WDR82: variants seen among roughly 807,000 people sequenced by gnomAD.
WDR82 encodes the protein WD repeat-containing protein 82.
Under a neutral mutation model 36.1 loss-of-function variants are expected in WDR82, and 8 were observed. The observed-to-expected ratio is 0.22, with a 90% confidence interval of 0.13 to 0.40. WDR82 has a LOEUF of 0.40. Ranked by LOEUF, WDR82 falls within the 10% of genes least tolerant of loss-of-function variation. The pLI, the probability that WDR82 is intolerant of heterozygous loss-of-function variation, is 1.00. For synonymous variants in WDR82, 129 were observed against 137.8 expected, an observed-to-expected ratio of 0.94 and a Z score of 0.45; for missense variants, 185 against 400.5, an observed-to-expected ratio of 0.46 and a Z score of 4.59.
rs1275696944 is a variant in WDR82 at position 52,278,371 on chromosome 3, T to G, written c.-10A>C. On this transcript the variant is annotated 5_prime_UTR_variant, in exon 1 of 9. Coordinates refer to ENST00000296490, the MANE Select transcript of WDR82 (RefSeq NM_025222.4). ...TGTCGGTCAGCTTCATGGCGGCGGC[T>G]GGGGAAGGCAGCGGCGGCGCAGGGC... 1 of 1,534,482 alleles carries G rather than the reference T, an allele frequency of 6.5e-7. No individual in the cohort carries two copies. Among genetic ancestry groups the G allele is most frequent in the Non-Finnish European group, 8.8e-7 (1 of 1,142,050 alleles).
At chr3:52,277,006 TAA>T (rs769178240) in intron 1 of WDR82, among the ~76,000 whole-genome samples, 12 of 108,120 alleles carry the variant, frequency 1.1e-4, no homozygotes, top group Non-Finnish European at 1.8e-4. Flanking sequence ...GACACCAGTC[TAA>T]AAAAAAAAAA....
rs989491841 is a variant in WDR82, at chr3:52,257,300, C to G, written c.*190G>C. 4 of 698,200 alleles carry G rather than the reference C, an allele frequency of 5.7e-6. No individual in the cohort carries two copies. The highest frequency in any genetic ancestry group is 5.4e-5 in the African/African-American group (3 of 55,598). 43.3% of individuals were successfully genotyped at this position (698,200 alleles called of 1,614,324 possible). On this transcript the variant is annotated 3_prime_UTR_variant, in exon 9 of 9. Coordinates refer to ENST00000296490, the MANE Select transcript of WDR82 (RefSeq NM_025222.4). ...CAATTGAGTCTGTTGCACCAAGAGT[C>G]CTTTTGAAGACGCTCATCAAAGTAA...
At chr3:52,266,054 T>C (rs1432262607) in intron 3 of WDR82, among the ~76,000 whole-genome samples, 2 of 152,022 alleles carry the variant, frequency 1.3e-5, no homozygotes, top group Non-Finnish European at 2.9e-5. Flanking sequence ...GTTGAAAAAT[T>C]AGAGAAAAAA....
chr3:52,257,585 A>G (rs932473127), intron 8 of WDR82, 66 bp from the exon 9 acceptor site: 71 of 1,605,150 alleles, frequency 4.4e-5, no homozygotes, highest in Non-Finnish European at 5.7e-5. Flanking sequence ...GGTTCTTCAC[A>G]TCCCACCCCA....
At position 52,259,708 on chromosome 3, in the gene WDR82, T is replaced by G. The variant is rs1257654947; in HGVS notation, c.699+9A>C. 6.2e-7 allele frequency: 1 copy of G among 1,608,520 alleles called. No individual in the cohort carries two copies. Among genetic ancestry groups the G allele is most frequent in the Admixed American group, 1.7e-5 (1 of 59,310 alleles). The stretch of plus-strand genomic sequence containing the variant: ...TGGAAACAGCCATGCTTGAAGGCTG[T>G]CAGCTCACCCCAAATGTGTGCATCA... On this transcript the variant is annotated intron_variant, in intron 6 of 8. Transcript: ENST00000296490.
chr3:52,273,471 C>T (rs1006965688), intron 1 of WDR82, among the ~76,000 whole-genome samples: 3 of 145,988 alleles, frequency 2.1e-5, no homozygotes, highest in Admixed American at 6.9e-5. Context: ...CCAACTCTAA[C>T]TTGACAAGTT....
chr3:52,258,736 G>C (rs921693245), intron 7 of WDR82, 58 bp from the exon 8 acceptor site: 10 of 1,608,944 alleles, frequency 6.2e-6, no homozygotes, highest in South Asian at 5.5e-5. Context: ...AAGACAACTG[G>C]AAATGAGACA....
intron 1 of WDR82, among the ~76,000 whole-genome samples, chr3:52,272,346 C>T (rs1275798429): frequency 6.6e-6 from 1 of 151,912 alleles, no homozygotes; most frequent in Admixed American, 6.6e-5. Context: ...GAGTTTGAGA[C>T]CAGCCTGGCC....
chr3:52,261,535 G>T, intron 3 of WDR82, 56 bp from the exon 4 acceptor site: 1 of 1,516,450 alleles, frequency 6.6e-7, no homozygotes, highest in Non-Finnish European at 9.0e-7. Context: ...AAAATTGGAT[G>T]TGAATTCTAA....
At chr3:52,273,740 G>T (rs1700174914) in intron 1 of WDR82, among the ~76,000 whole-genome samples, 1 of 152,144 alleles carries the variant, frequency 6.6e-6, no homozygotes, top group South Asian at 2.1e-4. Flanking sequence ...CCCTGCCTCA[G>T]CCTCCTGAGT....
intron 8 of WDR82, 52 bp downstream of exon 8, chr3:52,258,484 C>A: frequency 6.2e-7 from 1 of 1,610,116 alleles, no homozygotes; most frequent in Non-Finnish European, 8.5e-7. Context: ...GCACCCACCA[C>A]CCCAACTGGG....
In WDR82 at chr3:52,278,335, C is replaced by T. The variant is rs773156028; in HGVS notation, c.27G>A (p.Arg9=). ...GGAACACCTTAGCGACGCGGAAGCT[C>T]CGCAACACGCTGTCGGTCAGCTTCA... The part of the protein sequence containing the change: MKLTDSVL[R]SFRVAKVFRE... Residue 9 remains arginine (R), a synonymous_variant, in exon 1 of 9, where the codon CGG becomes CGA. Transcript: ENST00000296490. 36 of 1,591,066 alleles carry T rather than the reference C, an allele frequency of 2.3e-5. No homozygotes were observed. Among genetic ancestry groups the T allele is most frequent in the South Asian group, 3.4e-5 (3 of 88,618 alleles).
At chr3:52,270,846 C>G (rs1182545699) in intron 1 of WDR82, 37 bp from the exon 2 acceptor site, 3 of 1,479,620 alleles carry the variant, frequency 2.0e-6, no homozygotes, top group Non-Finnish European at 2.8e-6. Flanking sequence ...CATGAACATT[C>G]TCCATCATCA....
At chr3:52,259,386 G>A in intron 6 of WDR82, 120 bp from the exon 7 acceptor site, 2 of 1,000,738 alleles carry the variant, frequency 2.0e-6, no homozygotes, top group African/African-American at 1.6e-5. Context: ...TCCTTGTCAT[G>A]TACTACACCA....
chr3:52,277,951 G>A (rs1336129737), intron 1 of WDR82, among the ~76,000 whole-genome samples: 1 of 152,220 alleles, frequency 6.6e-6, no homozygotes, highest in Non-Finnish European at 1.5e-5. Flanking sequence ...GGCAAGTGAT[G>A]CATAGCGCTC....
chr3:52,277,288 G>C (rs1415499857), intron 1 of WDR82, among the ~76,000 whole-genome samples: 1 of 151,956 alleles, frequency 6.6e-6, no homozygotes, highest in Non-Finnish European at 1.5e-5. Flanking sequence ...GACCCCCAGG[G>C]AAAAAGGCAA....
intron 8 of WDR82, among the ~76,000 whole-genome samples, chr3:52,258,093 T>G (rs1366332683): frequency 1.3e-5 from 2 of 152,118 alleles, no homozygotes; most frequent in Non-Finnish European, 2.9e-5. Flanking sequence ...TAGGAAGAGA[T>G]AAGGGCCTGG....
At chr3:52,266,137 T>A (rs1700104053) in intron 3 of WDR82, among the ~76,000 whole-genome samples, 1 of 151,990 alleles carries the variant, frequency 6.6e-6, no homozygotes, top group South Asian at 2.1e-4. Context: ...GAGATAAACT[T>A]CTTGATTTTA....
intron 8 of WDR82, among the ~76,000 whole-genome samples, chr3:52,258,231 C>A (rs1296418148): frequency 6.6e-6 from 1 of 152,126 alleles, no homozygotes; most frequent in Non-Finnish European, 1.5e-5. Flanking sequence ...AAAAAAATTG[C>A]CAAGCATAGC....
Sources: allele counts gnomAD v4.1 joint callset (sites outside exome capture counted in the v4.1 genomes callset), GRCh38; gene constraint gnomAD v4.1.1; transcripts MANE v1.5; gene names NCBI Gene and HGNC (gene_info 2026-07-23, HGNC 2026-07-21).